The following PACRG variants were observed in gnomAD, a reference collection of about 807,000 sequenced individuals.
PACRG encodes parkin coregulated.
A neutral mutation model predicts 29.7 loss-of-function variants in PACRG; 29 were observed. The ratio of observed to expected loss-of-function variants is 0.98; its 90% CI spans 0.73 to 1.33. PACRG has a LOEUF of 1.33. Among genes scored for constraint, PACRG ranks in the 40% most tolerant of loss-of-function variants. The pLI, the probability that PACRG is intolerant of heterozygous loss-of-function variation, is 0.00. For synonymous variants in PACRG, 116 were observed against 118.7 expected (o/e 0.98, Z 0.15); for missense variants, 279 against 316.2 (o/e 0.88, Z 0.89).
intron 2 of PACRG, among the ~76,000 whole-genome samples, chr6:162,884,058 C>T (rs1794127822): frequency 6.6e-6 from 1 of 152,126 alleles, no homozygotes; most frequent in Non-Finnish European, 1.5e-5. Flanking sequence ...CCACCTCAAC[C>T]TCCCGCCTAA....
chr6:163,130,970 G>A (rs1246673404), intron 4 of PACRG, among the ~76,000 whole-genome samples: 1 of 152,124 alleles, frequency 6.6e-6, no homozygotes, highest in Non-Finnish European at 1.5e-5. Context: ...TACTGGAGTC[G>A]AGTGTGTCCT....
At chr6:163,068,765 G>GT (rs1459519821) in intron 3 of PACRG, among the ~76,000 whole-genome samples, 5 of 151,362 alleles carry the variant, frequency 3.3e-5, no homozygotes, top group Non-Finnish European at 7.4e-5. Flanking sequence ...TTTAGTTATT[G>GT]TAACTTTCCT....
At chr6:162,961,244 A>C (rs530308049) in intron 2 of PACRG, among the ~76,000 whole-genome samples, 59 of 152,318 alleles carry the variant, frequency 3.9e-4, no homozygotes, top group African/African-American at 1.3e-3. Flanking sequence ...AGGGGTTTCC[A>C]TGAAAATGCT....
intron 2 of PACRG, among the ~76,000 whole-genome samples, chr6:162,942,072 G>A (rs1373993263): frequency 6.6e-6 from 1 of 152,172 alleles, no homozygotes; most frequent in African/African-American, 2.4e-5. Flanking sequence ...CACCTTTGCA[G>A]AACCAAAATT....
intron 2 of PACRG, among the ~76,000 whole-genome samples, chr6:162,824,975 TGA>T (rs1044059808): frequency 3.9e-5 from 6 of 152,234 alleles, no homozygotes; most frequent in Non-Finnish European, 8.8e-5. Context: ...CTTTTCAAAT[TGA>T]GAGTCTCTAT....
intron 1 of PACRG, among the ~76,000 whole-genome samples, chr6:162,749,464 A>G (rs1781349295): frequency 1.3e-5 from 2 of 152,210 alleles, no homozygotes; most frequent in Admixed American, 1.3e-4. Flanking sequence ...AGTATGTATA[A>G]TCCTGCTTAT....
At position 162,775,516 on chromosome 6, in the gene PACRG, A is replaced by T. The variant is rs531394308; in HGVS notation, c.157-38631A>T. Among the ~76,000 whole-genome samples the T allele has an allele frequency of 2.3e-4, 35 of 152,362 alleles. No individual in the cohort carries two copies. In the South Asian group the frequency reaches 7.0e-3, roughly 31 times the overall value. ...CACAGAACTTAAATGCCCTTTGATA[A>T]CTATGTACTTGAGTCATAAGTAATT... On this transcript the variant is annotated intron_variant, in intron 1 of 4. Coordinates refer to ENST00000366888, the MANE Select transcript of PACRG (RefSeq NM_001080379.2).
At chr6:163,249,015 C>CAAAAAAA (rs57866351) in intron 4 of PACRG, among the ~76,000 whole-genome samples, 2 of 107,470 alleles carry the variant, frequency 1.9e-5, no homozygotes, top group Non-Finnish European at 1.9e-5. Flanking sequence ...GACTCTGTCT[C>CAAAAAAA]AAAAAAAAAA....
chr6:163,065,081 C>A (rs1811419115), intron 3 of PACRG, among the ~76,000 whole-genome samples: 1 of 152,096 alleles, frequency 6.6e-6, no homozygotes. Flanking sequence ...GTTCAAGCCC[C>A]CAAGTTCTGG....
chr6:163,283,782 T>C (rs1018800779), intron 4 of PACRG, among the ~76,000 whole-genome samples: 4 of 133,730 alleles, frequency 3.0e-5, no homozygotes, highest in African/African-American at 1.2e-4. Flanking sequence ...CAGTCCGGCC[T>C]GGGCGACAGA....
At chr6:163,217,956 C>T (rs1354670097) in intron 4 of PACRG, among the ~76,000 whole-genome samples, 1 of 152,070 alleles carries the variant, frequency 6.6e-6, no homozygotes, top group East Asian at 1.9e-4. Context: ...AGTGCACAAT[C>T]AATGTAATGC....
chr6:163,216,407 C>G (rs979425252), intron 4 of PACRG, among the ~76,000 whole-genome samples: 1 of 152,056 alleles, frequency 6.6e-6, no homozygotes, highest in East Asian at 1.9e-4. Flanking sequence ...ATGAAACCAT[C>G]GATTCACAGG....
intron 2 of PACRG, among the ~76,000 whole-genome samples, chr6:162,889,252 A>C (rs1187429052): frequency 6.6e-6 from 1 of 152,104 alleles, no homozygotes; most frequent in African/African-American, 2.4e-5. Flanking sequence ...TTCAGATGAT[A>C]CCACATTTTC....
At chr6:163,186,207 C>T (rs1020087190) in intron 4 of PACRG, among the ~76,000 whole-genome samples, 4 of 152,300 alleles carry the variant, frequency 2.6e-5, no homozygotes, top group East Asian at 1.9e-4. Context: ...TTCCCCCTTC[C>T]CCCAAGAATG....
chr6:163,121,972 T>C (rs1182396445), intron 4 of PACRG, among the ~76,000 whole-genome samples: 1 of 152,122 alleles, frequency 6.6e-6, no homozygotes, highest in Non-Finnish European at 1.5e-5. Context: ...GGTGATCTTT[T>C]TCTCTTTCTC....
intron 3 of PACRG, among the ~76,000 whole-genome samples, chr6:163,085,945 C>T (rs1204896851): frequency 1.3e-5 from 2 of 152,238 alleles, no homozygotes; most frequent in Non-Finnish European, 2.9e-5. Context: ...CATGCACTCT[C>T]AATAGACATT....
At chr6:163,270,006 A>AGAAAGAAAGAAAGAAG (rs1174263456) in intron 4 of PACRG, among the ~76,000 whole-genome samples, 2 of 84,182 alleles carry the variant, frequency 2.4e-5, no homozygotes, top group African/African-American at 4.9e-5. Context: ...AAAGAAAGAA[A>AGAAAGAAAGAAAGAAG]GGAGGGAGGG....
At chr6:163,166,282 A>AC (rs1158780787) in intron 4 of PACRG, 6 of 197,544 alleles carry the variant, frequency 3.0e-5, no homozygotes, top group Non-Finnish European at 4.1e-5. Flanking sequence ...AACAACAACA[A>AC]AAAAATGTAG....
At chr6:163,192,875 C>T (rs1354953556) in intron 4 of PACRG, among the ~76,000 whole-genome samples, 3 of 152,134 alleles carry the variant, frequency 2.0e-5, no homozygotes, top group Non-Finnish European at 4.4e-5. Flanking sequence ...AGCCATCACT[C>T]GATTTCCTGC....
Sources: allele counts gnomAD v4.1 joint callset (sites outside exome capture counted in the v4.1 genomes callset), GRCh38; gene constraint gnomAD v4.1.1; transcripts MANE v1.5; gene names NCBI Gene and HGNC (gene_info 2026-07-23, HGNC 2026-07-21).